Variants in GAS7 observed in about 807,000 individuals in gnomAD.
The protein encoded by GAS7 is growth arrest specific 7, also known as growth arrest-specific protein 7.
In GAS7, 28 loss-of-function variants were observed where a neutral mutation model predicts 71.1. That is an observed-to-expected ratio of 0.39 (90% CI 0.29 to 0.54). The LOEUF (loss-of-function observed/expected upper bound fraction) is 0.54. Among genes scored for constraint, GAS7 ranks in the 20% least tolerant of loss-of-function variants. GAS7 has a pLI of 0.62. For synonymous variants in GAS7, 258 were observed against 245.8 expected (o/e 1.05, Z -0.46); for missense variants, 436 against 627.8 (o/e 0.69, Z 3.27).
chr17:9,981,684 C>T lies in GAS7; in HGVS notation c.385+120G>A, dbSNP rs1329357519. ...CTAAGGGACCCTCTCCCAGGCCCAA[C>T]CCCTCCCTGGGTTTGCTACATCAGC... is the stretch of plus-strand genomic sequence containing the variant. On this transcript the variant is annotated intron_variant, in intron 3 of 13. Coordinates refer to ENST00000432992, the MANE Select transcript of GAS7 (RefSeq NM_201433.2). This position sits in a 1 kb window ranked among gnomAD's most constrained non-coding sequence, Gnocchi z 4.4. 7.3e-6 allele frequency: 5 copies of T among 685,332 alleles called. No homozygotes were observed. The highest frequency in any genetic ancestry group is 5.2e-5 in the South Asian group (3 of 58,010). The allele number at this position is 685,332 out of a possible 1,614,324, so 42.5% of individuals were successfully genotyped here.
chr17:10,059,502 T>C (rs556338303), intron 1 of GAS7, among the ~76,000 whole-genome samples: 2 of 152,268 alleles, frequency 1.3e-5, no homozygotes, highest in South Asian at 4.1e-4. Context: ...TGAGGAGGAC[T>C]GATACACGGG....
At chr17:10,167,073 T>TTTTTTTC (rs138918612) in intron 1 of GAS7, among the ~76,000 whole-genome samples, 6 of 116,004 alleles carry the variant, frequency 5.2e-5, no homozygotes, top group Non-Finnish European at 9.0e-5. Context: ...TTTTTTTTTT[T>TTTTTTTC]TGAGACAGAG....
At chr17:10,149,325 A>C (rs982298687) in intron 1 of GAS7, among the ~76,000 whole-genome samples, 4 of 151,732 alleles carry the variant, frequency 2.6e-5, no homozygotes, top group African/African-American at 9.7e-5. Flanking sequence ...CTGGTCCCAA[A>C]CTCCTGACCT....
chr17:9,941,084 G>A (rs1028042858), intron 7 of GAS7, among the ~76,000 whole-genome samples: 3 of 152,214 alleles, frequency 2.0e-5, no homozygotes, highest in Admixed American at 6.5e-5. Flanking sequence ...CAAAGGGTGC[G>A]ATGATGGAGA....
chr17:9,927,064 C>T, intron 9 of GAS7: 1 of 346,490 alleles, frequency 2.9e-6, no homozygotes, highest in Non-Finnish European at 5.3e-6. Flanking sequence ...TGAGCTTCTG[C>T]AGCTTTTAAA....
rs148648306 is a variant in GAS7 at position 9,969,714 on chromosome 17, G to A, written c.434C>T (p.Ala145Val). 1.1e-5 allele frequency: 17 copies of A among 1,612,238 alleles called. No individual in the cohort carries two copies. The highest frequency in any genetic ancestry group is 1.3e-5 in the Non-Finnish European group (15 of 1,178,412). ...GGTGGATTTTCGGACACTCATGTGG[G>A]CAGTCTCTGGAGGGTGCGCTGGGGT... ...SGTPAHPPET[A>V]HMSVRKSTGD... The change falls in exon 4 of 14, where the codon GCC becomes GTC. Residue 145 changes from alanine (A) to valine (V), a missense_variant. By Grantham distance (64) the Ala-to-Val change is moderately conservative. Transcript: ENST00000432992. This position sits in a 1 kb window ranked among gnomAD's most constrained non-coding sequence, Gnocchi z 5.5.
intron 1 of GAS7, among the ~76,000 whole-genome samples, chr17:10,108,782 G>A (rs1597796822): frequency 6.6e-6 from 1 of 152,270 alleles, no homozygotes; most frequent in African/African-American, 2.4e-5. Flanking sequence ...ATATCCATAC[G>A]TAGAGGAATA....
At chr17:10,085,360 C>G (rs1040948736) in intron 1 of GAS7, among the ~76,000 whole-genome samples, 2 of 152,092 alleles carry the variant, frequency 1.3e-5, no homozygotes, top group African/African-American at 2.4e-5. Context: ...CACCTCCATC[C>G]CCTAGGCCTG....
rs925290826 is a variant in GAS7 at position 10,164,420 on chromosome 17, G to A, written c.183+33788C>T. On this transcript the variant is annotated intron_variant, in intron 1 of 13. Coordinates refer to ENST00000432992, the MANE Select transcript of GAS7 (RefSeq NM_201433.2). Reference sequence around the variant, plus strand: ...TCACGCCACTGCACTCCAGCCTAGCGACAAAGTGAGACTCTGTCTCAAAAA... The same window carrying A: ...TCACGCCACTGCACTCCAGCCTAGCAACAAAGTGAGACTCTGTCTCAAAAA... Among the ~76,000 whole-genome samples the A allele has an allele frequency of 3.5e-5, 5 of 142,682 alleles. No individual in the cohort carries two copies. The East Asian group carries it at 6.5e-4, about 18-fold the overall frequency. 93.6% of individuals were successfully genotyped at this position (142,682 alleles called of 152,430 possible).
At chr17:10,060,236 T>C (rs1458234691) in intron 1 of GAS7, among the ~76,000 whole-genome samples, 1 of 152,248 alleles carries the variant, frequency 6.6e-6, no homozygotes, top group Non-Finnish European at 1.5e-5. Flanking sequence ...CTTCTGCCAC[T>C]GCCTGCCATA....
At chr17:9,957,692 T>C (rs2152111092) in intron 5 of GAS7, among the ~76,000 whole-genome samples, 1 of 151,304 alleles carries the variant, frequency 6.6e-6, no homozygotes, top group African/African-American at 2.4e-5. Context: ...GACTGTACCC[T>C]CTGGAACTCT....
At chr17:10,151,858 T>C (rs1012423652) in intron 1 of GAS7, among the ~76,000 whole-genome samples, 6 of 152,234 alleles carry the variant, frequency 3.9e-5, no homozygotes, top group Non-Finnish European at 4.4e-5. Flanking sequence ...AAATAAAGTT[T>C]TCCAGTTTTG....
chr17:9,943,108 G>GCCCA lies in GAS7; in HGVS notation c.731+9_731+12dup. 2 of 1,553,396 alleles carry GCCCA rather than the reference G, an allele frequency of 1.3e-6. No homozygotes were observed. The highest frequency in any genetic ancestry group is 2.2e-5 in the South Asian group (2 of 89,964). The stretch of plus-strand genomic sequence containing the variant: ...GTGCCAGGCCCCAGGGCTGGGAGGG[G>GCCCA]CCCAGGCTTCACCTTTCCCGGATGA... On this transcript the variant is annotated intron_variant, in intron 7 of 13. Coordinates refer to ENST00000432992, the MANE Select transcript of GAS7 (RefSeq NM_201433.2).
chr17:10,184,347 C>T (rs1274981997), intron 1 of GAS7, among the ~76,000 whole-genome samples: 3 of 152,218 alleles, frequency 2.0e-5, no homozygotes, highest in Non-Finnish European at 4.4e-5. Context: ...CAAACAGGAA[C>T]ACCAGCCACC....
At chr17:9,991,197 C>T (rs865963314) in intron 2 of GAS7, among the ~76,000 whole-genome samples, 3 of 152,224 alleles carry the variant, frequency 2.0e-5, no homozygotes, top group Non-Finnish European at 4.4e-5. Context: ...ATCCCTGCCT[C>T]ACCCCTCCTT....
At chr17:9,971,089 T>C (rs774204143) in intron 3 of GAS7, among the ~76,000 whole-genome samples, 1 of 152,092 alleles carries the variant, frequency 6.6e-6, no homozygotes, top group Non-Finnish European at 1.5e-5. Context: ...CATAAAGCAC[T>C]TCATTTAAAA....
intron 1 of GAS7, among the ~76,000 whole-genome samples, chr17:10,078,115 AG>A (rs2073417297): frequency 6.6e-6 from 1 of 151,342 alleles, no homozygotes; most frequent in Non-Finnish European, 1.5e-5. Context: ...TTTTGGAGAC[AG>A]GATCTCACTC....
At chr17:10,118,433 G>A (rs1303381291) in intron 1 of GAS7, among the ~76,000 whole-genome samples, 2 of 152,122 alleles carry the variant, frequency 1.3e-5, no homozygotes, top group African/African-American at 4.8e-5. Flanking sequence ...CTCGTGGGCT[G>A]GGCGCAGTGG....
chr17:9,922,110 G>A (rs1424195965), intron 11 of GAS7, among the ~76,000 whole-genome samples: 1 of 152,136 alleles, frequency 6.6e-6, no homozygotes, highest in Admixed American at 6.6e-5. Context: ...TTGTTATGAG[G>A]AATAAATATG....
Sources: allele counts gnomAD v4.1 joint callset (sites outside exome capture counted in the v4.1 genomes callset), GRCh38; gene constraint gnomAD v4.1.1; non-coding constraint Gnocchi (gnomAD v3.1); transcripts MANE v1.5; gene names NCBI Gene and HGNC (gene_info 2026-07-23, HGNC 2026-07-21).